TMEM154: variants seen among roughly 807,000 people sequenced by gnomAD.
TMEM154 encodes the protein transmembrane protein 154.
In TMEM154, 27 loss-of-function variants were observed where a neutral mutation model predicts 24.5. The ratio of observed to expected loss-of-function variants is 1.10; its 90% CI spans 0.81 to 1.52. TMEM154 has a LOEUF of 1.52. TMEM154 is among the 40% of genes most tolerant of loss of function. The probability of loss-of-function intolerance (pLI) is 0.00; values close to 1 mark genes in which losing one functional copy is unlikely to be tolerated. For synonymous variants in TMEM154, 67 were observed against 76.8 expected (o/e 0.87, Z 0.67); for missense variants, 228 against 213.4 (o/e 1.07, Z -0.43).
chr4:152,648,073 C>G (rs1332634517), intron 3 of TMEM154, among the ~76,000 whole-genome samples: 1 of 152,128 alleles, frequency 6.6e-6, no homozygotes, highest in Non-Finnish European at 1.5e-5. Context: ...AACAAGTCAC[C>G]AACTTATGAC....
At chr4:152,675,513 G>C (rs187992072) in intron 1 of TMEM154, among the ~76,000 whole-genome samples, 101 of 152,238 alleles carry the variant, frequency 6.6e-4, no homozygotes, top group Non-Finnish European at 1.4e-3. Flanking sequence ...TGTAATCCCA[G>C]CTACTCGGGA....
chr4:152,650,802 TC>T (rs1289968036), intron 3 of TMEM154, among the ~76,000 whole-genome samples: 5 of 152,194 alleles, frequency 3.3e-5, no homozygotes, highest in Non-Finnish European at 7.4e-5. Flanking sequence ...GGATATTGTA[TC>T]AGCAGGCATG....
At chr4:152,632,435 C>G (rs1167352828) in intron 6 of TMEM154, among the ~76,000 whole-genome samples, 2 of 152,224 alleles carry the variant, frequency 1.3e-5, no homozygotes, top group African/African-American at 4.8e-5. Context: ...CTTATTCCAT[C>G]TTACAATTTC....
intron 1 of TMEM154, among the ~76,000 whole-genome samples, chr4:152,677,901 A>G (rs1323802719): frequency 6.6e-6 from 1 of 152,208 alleles, no homozygotes; most frequent in Non-Finnish European, 1.5e-5. Flanking sequence ...TTTTCCCTGG[A>G]GCTGTTCACA....
rs545027600 is a variant in TMEM154 at position 152,650,624 on chromosome 4, C to T, written c.364+1914G>A. Among the ~76,000 whole-genome samples the T allele has an allele frequency of 1.2e-3, 178 of 152,246 alleles. 6 individuals are homozygous for T. Among genetic ancestry groups the T allele is most frequent in the South Asian group, 9.7e-3 (47 of 4,822 alleles). On this transcript the variant is annotated intron_variant, in intron 3 of 6. Coordinates refer to ENST00000304385, the MANE Select transcript of TMEM154 (RefSeq NM_152680.3). ...GATATTTTGATCTCCTCCTATGAAT[C>T]GGAAATGTTCTTAATGGCATCTAGA...
intron 1 of TMEM154, among the ~76,000 whole-genome samples, chr4:152,661,051 C>T (rs749584363): frequency 1.3e-5 from 2 of 152,130 alleles, no homozygotes; most frequent in African/African-American, 2.4e-5. Context: ...AAAAGAGAAA[C>T]GGAAAGAAGC....
chr4:152,643,082 A>C lies in TMEM154; in HGVS notation c.478+6T>G. 6.2e-7 allele frequency: 1 copy of C among 1,609,116 alleles called. No individual in the cohort carries two copies. Among genetic ancestry groups the C allele is most frequent in the Non-Finnish European group, 8.5e-7 (1 of 1,177,582 alleles). ...AGAAAAAAAACAACTTTAGGTTACC[A>C]CATACCATTTCTATTCATGCTGTTC... is the stretch of plus-strand genomic sequence containing the variant. On this transcript the variant is annotated splice_donor_region_variant and intron_variant, in intron 5 of 6. Transcript: ENST00000304385.
chr4:152,678,271 A>T (rs1178451561), intron 1 of TMEM154, among the ~76,000 whole-genome samples: 1 of 152,016 alleles, frequency 6.6e-6, no homozygotes, highest in African/African-American at 2.4e-5. Context: ...GGTGTCAGAA[A>T]GGCAACTTTA....
chr4:152,646,035 T>C (rs2149782043), intron 3 of TMEM154, among the ~76,000 whole-genome samples: 1 of 151,938 alleles, frequency 6.6e-6, no homozygotes, highest in South Asian at 2.1e-4. Context: ...CCTTAAGGAA[T>C]TTTAATATAA....
intron 3 of TMEM154, chr4:152,647,396 T>C: frequency 1.1e-6 from 1 of 930,024 alleles, no homozygotes; most frequent in Non-Finnish European, 1.3e-6. Flanking sequence ...TCAGTTTTTC[T>C]GAAAAGTTGT....
At chr4:152,652,405 C>A (rs1241867916) in intron 3 of TMEM154, 133 bp downstream of exon 3, 1 of 1,371,656 alleles carries the variant, frequency 7.3e-7, no homozygotes, top group East Asian at 2.5e-5. Flanking sequence ...ATATTCACTT[C>A]TGGAAAATTT....
intron 6 of TMEM154, among the ~76,000 whole-genome samples, chr4:152,628,898 A>G (rs540134411): frequency 2.3e-4 from 35 of 149,846 alleles, no homozygotes; most frequent in African/African-American, 7.1e-4. Flanking sequence ...GCCCACCTTG[A>G]CCTCCCAAAG....
rs1007482112 is a variant in TMEM154 at position 152,627,919 on chromosome 4, A to C, written c.*627T>G. 2 of 152,912 alleles carry C rather than the reference A, an allele frequency of 1.3e-5. No individual in the cohort carries two copies. Among genetic ancestry groups the C allele is most frequent in the African/African-American group, 4.8e-5 (2 of 41,464 alleles). 9.5% of individuals were successfully genotyped at this position (152,912 alleles called of 1,614,324 possible). A position where few individuals can be genotyped will look rare whatever the true frequency, so the allele number is the denominator to read the frequency against. ...CATGCTAGGGTCTACAAGTTACCAA[A>C]CGCCACCTCATCAGGACTGTGGACC... On this transcript the variant is annotated 3_prime_UTR_variant, in exon 7 of 7. Coordinates refer to ENST00000304385, the MANE Select transcript of TMEM154 (RefSeq NM_152680.3).
At chr4:152,634,895 A>G (rs1262184563) in intron 6 of TMEM154, among the ~76,000 whole-genome samples, 3 of 152,198 alleles carry the variant, frequency 2.0e-5, no homozygotes, top group Non-Finnish European at 4.4e-5. Context: ...TCCTTGACTT[A>G]TGATGGGGCT....
intron 1 of TMEM154, among the ~76,000 whole-genome samples, chr4:152,674,226 C>T (rs1728907654): frequency 6.6e-6 from 1 of 151,778 alleles, no homozygotes; most frequent in Non-Finnish European, 1.5e-5. Flanking sequence ...AGGTGTGGGC[C>T]CAGGGAGATA....
At chr4:152,658,158 G>T (rs540057315) in intron 1 of TMEM154, among the ~76,000 whole-genome samples, 1 of 152,210 alleles carries the variant, frequency 6.6e-6, no homozygotes, top group South Asian at 2.1e-4. Context: ...CAAATACATG[G>T]AAATTAAATA....
intron 3 of TMEM154, among the ~76,000 whole-genome samples, chr4:152,649,214 A>C (rs1487488115): frequency 6.6e-6 from 1 of 152,248 alleles, no homozygotes; most frequent in Non-Finnish European, 1.5e-5. Context: ...TTTTGTATAC[A>C]TGTATGACTA....
At chr4:152,661,857 C>A (rs931886177) in intron 1 of TMEM154, among the ~76,000 whole-genome samples, 5 of 152,274 alleles carry the variant, frequency 3.3e-5, no homozygotes, top group Admixed American at 6.5e-5. Context: ...AGTTTCCTTG[C>A]CCAGAAGTAA....
chr4:152,652,542 C>A lies in TMEM154; in HGVS notation c.360G>T (p.Gln120His), dbSNP rs1728406908. The change falls in exon 3 of 7, where the codon CAG (glutamine) becomes CAT (histidine). Residue 120 changes from glutamine to histidine, a missense_variant. Coordinates refer to ENST00000304385, the MANE Select transcript of TMEM154 (RefSeq NM_152680.3). ...AGGTTTTAGGATAATACTCACATGT[C>A]TGTAAAGCACTCTGAGATCCTTGGC... ...PSSQGSQSAL[Q>H]TYELGSENVK... is the part of the protein sequence containing the mutation. The A allele has an allele frequency of 6.2e-7, 1 of 1,613,846 alleles. No individual in the cohort carries two copies. The highest frequency in any genetic ancestry group is 8.5e-7 in the Non-Finnish European group (1 of 1,179,962).
Sources: gnomAD v4.1 joint callset for allele counts (sites outside exome capture counted in the v4.1 genomes callset) on GRCh38, gnomAD v4.1.1 for gene constraint, MANE v1.5 for transcripts, NCBI Gene and HGNC (gene_info 2026-07-23, HGNC 2026-07-21) for gene names.